Variants in CEP128 observed in about 807,000 individuals in gnomAD.
CEP128 encodes centrosomal protein 128.
In CEP128, 132 loss-of-function variants were observed where a neutral mutation model predicts 156.7. The ratio of observed to expected loss-of-function variants is 0.84; its 90% CI spans 0.73 to 0.97. The LOEUF (loss-of-function observed/expected upper bound fraction) is 0.97. CEP128 is among the 50% of genes least tolerant of loss of function. The probability of loss-of-function intolerance (pLI) is 0.00; values close to 1 mark genes in which losing one functional copy is unlikely to be tolerated. For missense variants in CEP128, 1,252 were observed against 1,281.9 expected (o/e 0.98, Z 0.36); for synonymous variants, 469 against 448.9 (o/e 1.04, Z -0.57).
At chr14:80,838,483 C>G (rs945732653) in intron 10 of CEP128, among the ~76,000 whole-genome samples, 23 of 152,204 alleles carry the variant, frequency 1.5e-4, no homozygotes, top group African/African-American at 4.8e-4. Context: ...GTGAACCAGA[C>G]CAGGCCTCAG....
At chr14:80,527,636 G>T (rs569326683) in intron 22 of CEP128, among the ~76,000 whole-genome samples, 149 of 152,206 alleles carry the variant, frequency 9.8e-4, no homozygotes, top group African/African-American at 3.5e-3. Context: ...GCCACATTTG[G>T]ATGCTGTGTA....
At chr14:80,607,995 G>C (rs1015416387) in intron 19 of CEP128, among the ~76,000 whole-genome samples, 2 of 152,162 alleles carry the variant, frequency 1.3e-5, no homozygotes, top group African/African-American at 4.8e-5. Flanking sequence ...CAAAGAGCCT[G>C]TCATTAACAT....
At chr14:80,747,371 G>A (rs1451897295) in intron 18 of CEP128, among the ~76,000 whole-genome samples, 1 of 152,152 alleles carries the variant, frequency 6.6e-6, no homozygotes, top group African/African-American at 2.4e-5. Context: ...AAAAAGTGGA[G>A]TATATCCAAA....
chr14:80,944,011 T>C (rs1433762679), upstream of CEP128, among the ~76,000 whole-genome samples: 1 of 148,044 alleles, frequency 6.8e-6, no homozygotes, highest in Non-Finnish European at 1.5e-5. Flanking sequence ...AAAAAAAAAG[T>C]AGTGAAGTCA....
In CEP128 at chr14:80,708,385, C is replaced by A. The variant is rs376396200; in HGVS notation, c.2806+34690G>T. On this transcript the variant is annotated intron_variant, in intron 19 of 24. Coordinates refer to ENST00000555265, the MANE Select transcript of CEP128 (RefSeq NM_152446.5). The stretch of plus-strand genomic sequence containing the variant: ...CCCCAGCCTCACAGACATTGTCATG[C>A]ATTTGGATTTTTTAATAAGTTGTTT... 2.4e-4 allele frequency among the ~76,000 whole-genome samples: 36 copies of A among 152,208 alleles called. No individual in the cohort carries two copies. The South Asian group carries it at 6.4e-3, about 27-fold the overall frequency.
At chr14:80,579,220 A>T (rs984673163) in intron 20 of CEP128, among the ~76,000 whole-genome samples, 1 of 152,176 alleles carries the variant, frequency 6.6e-6, no homozygotes, top group Non-Finnish European at 1.5e-5. Context: ...GTGTACAAAG[A>T]GCTATGCTTT....
chr14:80,593,933 T>C (rs191040124), intron 19 of CEP128, among the ~76,000 whole-genome samples: 2 of 152,318 alleles, frequency 1.3e-5, no homozygotes, highest in Admixed American at 1.3e-4. Context: ...ATCCCCATCA[T>C]GCTACCATTG....
At chr14:80,902,105 T>C (rs924351400) in intron 6 of CEP128, among the ~76,000 whole-genome samples, 1 of 152,200 alleles carries the variant, frequency 6.6e-6, no homozygotes, top group Non-Finnish European at 1.5e-5. Context: ...GGGCATGTCC[T>C]CTACCATACA....
At chr14:80,704,024 A>G (rs1044118932) in intron 19 of CEP128, among the ~76,000 whole-genome samples, 3 of 152,150 alleles carry the variant, frequency 2.0e-5, no homozygotes, top group Non-Finnish European at 4.4e-5. Flanking sequence ...CAAAATGGTT[A>G]TTGATAAAAC....
At chr14:80,648,714 A>C (rs567719070) in intron 19 of CEP128, among the ~76,000 whole-genome samples, 2 of 152,120 alleles carry the variant, frequency 1.3e-5, no homozygotes, top group Non-Finnish European at 2.9e-5. Flanking sequence ...TTTTTCATTC[A>C]TTAATTCATT....
At chr14:80,914,748 A>T (rs909790160) in intron 3 of CEP128, among the ~76,000 whole-genome samples, 1 of 152,214 alleles carries the variant, frequency 6.6e-6, no homozygotes, top group Non-Finnish European at 1.5e-5. Flanking sequence ...ATAGAAAAGG[A>T]ATTCTGAAAG....
At chr14:80,603,580 T>C (rs562627613) in intron 19 of CEP128, among the ~76,000 whole-genome samples, 3 of 152,318 alleles carry the variant, frequency 2.0e-5, no homozygotes, top group Non-Finnish European at 2.9e-5. Flanking sequence ...CTGGGATCAG[T>C]CACATGGGTC....
intron 22 of CEP128, among the ~76,000 whole-genome samples, 171 bp downstream of exon 22, chr14:80,530,638 T>A (rs2140275888): frequency 6.6e-6 from 1 of 152,334 alleles, no homozygotes; most frequent in Non-Finnish European, 1.5e-5. Context: ...TTGCATTGTT[T>A]TCAATTCTAA....
intron 14 of CEP128, among the ~76,000 whole-genome samples, chr14:80,786,666 C>A (rs184333171): frequency 1.3e-5 from 2 of 152,280 alleles, no homozygotes; most frequent in East Asian, 3.9e-4. Flanking sequence ...TCGGGGAAAT[C>A]ATTTCTCTTA....
chr14:80,788,999 G>A (rs1901565300), intron 14 of CEP128, among the ~76,000 whole-genome samples: 1 of 152,154 alleles, frequency 6.6e-6, no homozygotes, highest in Non-Finnish European at 1.5e-5. Flanking sequence ...GGAATGGATA[G>A]GGGGAGGCAG....
intron 21 of CEP128, among the ~76,000 whole-genome samples, chr14:80,549,410 A>C (rs1220410242): frequency 6.6e-6 from 1 of 152,214 alleles, no homozygotes; most frequent in East Asian, 1.9e-4. Context: ...CAAAACTGTA[A>C]CAGAGCACAC....
intron 15 of CEP128, among the ~76,000 whole-genome samples, chr14:80,781,309 T>G (rs1053889299): frequency 1.3e-5 from 2 of 151,944 alleles, no homozygotes; most frequent in African/African-American, 2.4e-5. Context: ...ATACAAAAAT[T>G]AGCTGGGCGT....
At chr14:80,569,324 G>T (rs1891043821) in intron 20 of CEP128, among the ~76,000 whole-genome samples, 1 of 152,164 alleles carries the variant, frequency 6.6e-6, no homozygotes, top group South Asian at 2.1e-4. Flanking sequence ...TATAAATAAA[G>T]AGTAGTGATT....
intron 19 of CEP128, among the ~76,000 whole-genome samples, chr14:80,740,430 A>G (rs1442200065): frequency 6.8e-6 from 1 of 147,916 alleles, no homozygotes; most frequent in Non-Finnish European, 1.5e-5. Context: ...ACTTAAAACT[A>G]GTAAAATGTA....
Sources: gnomAD v4.1 joint callset for allele counts (sites outside exome capture counted in the v4.1 genomes callset) on GRCh38, gnomAD v4.1.1 for gene constraint, MANE v1.5 for transcripts, NCBI Gene and HGNC (gene_info 2026-07-23, HGNC 2026-07-21) for gene names.